The following SIM1 variants were observed in gnomAD, a reference collection of about 807,000 sequenced individuals.
SIM1 encodes single-minded homolog 1.
SIM1 carries 18 observed loss-of-function variants against 78.2 expected under a neutral mutation model. That is an observed-to-expected ratio of 0.23 (90% confidence interval 0.16 to 0.34). SIM1 has a LOEUF of 0.34. SIM1 is among the 10% of genes least tolerant of loss of function. The pLI is 1.00. For synonymous variants in SIM1, 417 were observed against 385.2 expected, an observed-to-expected ratio of 1.08 and a Z score of -0.97; for missense variants, 939 against 975.1, an observed-to-expected ratio of 0.96 and a Z score of 0.49.
chr6:100,402,292 G>A (rs1421211932), intron 10 of SIM1, among the ~76,000 whole-genome samples: 2 of 151,270 alleles, frequency 1.3e-5, no homozygotes, highest in Non-Finnish European at 2.9e-5. Flanking sequence ...TATGTTAAAG[G>A]ATTAAAAAAA....
chr6:100,398,436 G>A (rs890511254), intron 10 of SIM1, among the ~76,000 whole-genome samples: 21 of 151,964 alleles, frequency 1.4e-4, no homozygotes, highest in African/African-American at 2.2e-4. Context: ...TCCCCATTCC[G>A]TCTTCCCTTC....
intron 11 of SIM1, 57 bp from the exon 12 acceptor site, chr6:100,391,148 T>A (rs1582599033): frequency 6.7e-7 from 1 of 1,503,406 alleles, no homozygotes; most frequent in East Asian, 2.3e-5. Flanking sequence ...TCAAAATAAG[T>A]ATATTTCCTT....
intron 9 of SIM1, among the ~76,000 whole-genome samples, chr6:100,439,489 C>T (rs1772149838): frequency 6.6e-6 from 1 of 152,112 alleles, no homozygotes; most frequent in Non-Finnish European, 1.5e-5. Context: ...TTCTATTTCA[C>T]CAACTAAATT....
intron 9 of SIM1, among the ~76,000 whole-genome samples, chr6:100,441,005 G>T (rs929530787): frequency 2.0e-5 from 3 of 152,160 alleles, no homozygotes; most frequent in African/African-American, 7.2e-5. Flanking sequence ...ATGGGTGCCT[G>T]CCTTCATATG....
At chr6:100,450,690 TCTCTCTCA>T (rs1180035876) in intron 3 of SIM1, among the ~76,000 whole-genome samples, 247 of 97,446 alleles carry the variant, frequency 2.5e-3, no homozygotes, top group East Asian at 0.021. Flanking sequence ...TCTCTCTCTC[TCTCTCTCA>T]CACACACACA....
chr6:100,458,006 TTCTCTC>T (rs71028024), intron 2 of SIM1, among the ~76,000 whole-genome samples: 275 of 90,040 alleles, frequency 3.1e-3, no homozygotes, highest in Middle Eastern at 0.011. Flanking sequence ...GTCTCTCTCT[TTCTCTC>T]TCTCTCTCTC....
intron 10 of SIM1, chr6:100,394,101 C>G: frequency 2.1e-6 from 1 of 473,212 alleles, no homozygotes; most frequent in Non-Finnish European, 3.7e-6. Flanking sequence ...AAAGAAAATC[C>G]TTTTGGTTGA....
intron 9 of SIM1, among the ~76,000 whole-genome samples, chr6:100,430,348 T>C (rs1342984073): frequency 2.0e-5 from 3 of 152,228 alleles, no homozygotes. Flanking sequence ...AGGAGGGTGT[T>C]GGTCTTTAAT....
intron 11 of SIM1, among the ~76,000 whole-genome samples, chr6:100,391,493 T>TA (rs1279063771): frequency 6.6e-6 from 1 of 152,248 alleles, no homozygotes; most frequent in Non-Finnish European, 1.5e-5. Flanking sequence ...AGTGCCATGT[T>TA]AAATTGATGC....
At chr6:100,453,109 T>A (rs892579273) in intron 3 of SIM1, among the ~76,000 whole-genome samples, 1 of 152,234 alleles carries the variant, frequency 6.6e-6, no homozygotes, top group Non-Finnish European at 1.5e-5. Context: ...GTGACTTAAG[T>A]AGGCAAAGAG....
At chr6:100,398,933 TTG>T (rs370296648) in intron 10 of SIM1, among the ~76,000 whole-genome samples, 16,904 of 146,352 alleles carry the variant, frequency 0.12, 966 homozygotes, top group East Asian at 0.21. Flanking sequence ...ACACTTGTTA[TTG>T]TGTGTGTGTG....
In SIM1 at chr6:100,393,622, G is replaced by A. The variant is rs374898951; in HGVS notation, c.1435C>T (p.Leu479=). 20 of 1,614,046 alleles carry A rather than the reference G, an allele frequency of 1.2e-5. No individual in the cohort carries two copies. Among genetic ancestry groups the A allele is most frequent in the South Asian group, 5.5e-5 (5 of 91,092 alleles). ...GGRCEAGRYF[L]GTPQAGREPW... Reference sequence around the variant, plus strand: ...TCCCTCCCGGCCTGCGGCGTTCCCAGGAAGTACCTGCCTGCCTCACATCGG... The same window carrying A: ...TCCCTCCCGGCCTGCGGCGTTCCCAAGAAGTACCTGCCTGCCTCACATCGG... The change falls in exon 11 of 12, where the codon CTG becomes TTG. Residue 479 remains leucine (L), a synonymous_variant. Coordinates refer to ENST00000369208, the MANE Select transcript of SIM1 (RefSeq NM_005068.3).
At position 100,390,414 on chromosome 6, in the gene SIM1, C is replaced by T. The variant is rs780670287; in HGVS notation, c.2248G>A (p.Asp750Asn). ...DVTSHLRMQP[D>N]PAQGHKGTSV... Reference sequence around the variant, plus strand: ...GTTCCCTTGTGTCCTTGTGCTGGGTCTGGTTGCATCCTCAGATGGGAAGTT... The same window carrying T: ...GTTCCCTTGTGTCCTTGTGCTGGGTTTGGTTGCATCCTCAGATGGGAAGTT... The change falls in exon 12 of 12, where the codon GAC (aspartate) becomes AAC (asparagine). Residue 750 changes from aspartate to asparagine, a missense_variant. Around this residue, in one of 5 missense-constraint regions of SIM1, gnomAD observed 556 missense variants for 521.9 expected, o/e 1.07. Transcript: ENST00000369208. The T allele has an allele frequency of 6.2e-7, 1 of 1,614,158 alleles. No homozygotes were observed. Among genetic ancestry groups the T allele is most frequent in the Non-Finnish European group, 8.5e-7 (1 of 1,180,020 alleles).
intron 2 of SIM1, among the ~76,000 whole-genome samples, chr6:100,455,047 C>T (rs188690552): frequency 1.6e-4 from 24 of 152,164 alleles, no homozygotes; most frequent in Non-Finnish European, 3.4e-4. Flanking sequence ...ATGATGAACA[C>T]TCGCCTTGTA....
chr6:100,397,919 A>G (rs1291653408), intron 10 of SIM1, among the ~76,000 whole-genome samples: 1 of 152,172 alleles, frequency 6.6e-6, no homozygotes, highest in African/African-American at 2.4e-5. Flanking sequence ...AAGATGTTCA[A>G]CATCATTAGT....
intron 10 of SIM1, among the ~76,000 whole-genome samples, chr6:100,403,201 T>TA (rs1450200838): frequency 1.3e-5 from 2 of 152,230 alleles, no homozygotes; most frequent in African/African-American, 4.8e-5. Flanking sequence ...ATGGATGCCC[T>TA]TGTTCTCATG....
chr6:100,426,326 T>C (rs1771728830), intron 9 of SIM1, among the ~76,000 whole-genome samples: 1 of 152,228 alleles, frequency 6.6e-6, no homozygotes, highest in African/African-American at 2.4e-5. Flanking sequence ...CATCTGAGTC[T>C]ACTTTAAACT....
At chr6:100,456,525 G>C (rs1358959254) in intron 2 of SIM1, among the ~76,000 whole-genome samples, 2 of 152,226 alleles carry the variant, frequency 1.3e-5, no homozygotes, top group Non-Finnish European at 1.5e-5. Context: ...GAGAAAAGGA[G>C]CTCTGTGAGG....
chr6:100,454,315 T>A (rs1371571315), intron 2 of SIM1, among the ~76,000 whole-genome samples: 1 of 152,226 alleles, frequency 6.6e-6, no homozygotes, highest in Non-Finnish European at 1.5e-5. Context: ...CAACCGGTCC[T>A]TGGCGGGCTT....
Sources: gnomAD v4.1 joint callset for allele counts (sites outside exome capture counted in the v4.1 genomes callset) on GRCh38, gnomAD v4.1.1 for gene constraint, gnomAD v4.1.1 regional missense constraint, MANE v1.5 for transcripts, NCBI Gene and HGNC (gene_info 2026-07-23, HGNC 2026-07-21) for gene names.